Variants in BMP2K observed in about 807,000 individuals in gnomAD.
BMP2K encodes BMP-2-inducible protein kinase.
BMP2K carries 74 observed loss-of-function variants against 116.0 expected under a neutral mutation model. The observed-to-expected ratio is 0.64, with a 90% CI of 0.53 to 0.77. The LOEUF (loss-of-function observed/expected upper bound fraction) is 0.77, where lower values mean the gene tolerates loss of function less well. Ranked by LOEUF, BMP2K falls within the 30% of genes least tolerant of loss-of-function variation. The pLI is 0.00. For synonymous variants in BMP2K, 486 were observed against 502.5 expected, an observed-to-expected ratio of 0.97 and a Z score of 0.44; for missense variants, 1,365 against 1,403.6, an observed-to-expected ratio of 0.97 and a Z score of 0.44.
chr4:78,907,711 G>C (rs529132227), intron 15 of BMP2K, among the ~76,000 whole-genome samples: 3 of 152,214 alleles, frequency 2.0e-5, no homozygotes, highest in Non-Finnish European at 4.4e-5. Flanking sequence ...AGTGGAGGCA[G>C]AATGCAGAGT....
chr4:78,867,625 A>G (rs996697053), intron 10 of BMP2K, among the ~76,000 whole-genome samples: 2 of 152,314 alleles, frequency 1.3e-5, no homozygotes, highest in East Asian at 1.9e-4. Context: ...CGGATTATAC[A>G]GTAGTATTCA....
intron 1 of BMP2K, among the ~76,000 whole-genome samples, chr4:78,800,834 C>T (rs1483816943): frequency 6.6e-6 from 1 of 152,004 alleles, no homozygotes; most frequent in East Asian, 1.9e-4. Context: ...TGTAATATTA[C>T]ATTTATTAAG....
chr4:78,842,718 A>G (rs1275984235), intron 4 of BMP2K, among the ~76,000 whole-genome samples, 191 bp downstream of exon 4: 3 of 152,054 alleles, frequency 2.0e-5, no homozygotes, highest in African/African-American at 7.2e-5. Flanking sequence ...GAGGATTTCT[A>G]GCATGGCTGT....
intron 7 of BMP2K, among the ~76,000 whole-genome samples, chr4:78,854,416 G>C (rs1731402970): frequency 6.6e-6 from 1 of 151,980 alleles, no homozygotes; most frequent in Non-Finnish European, 1.5e-5. Flanking sequence ...TGGGACTACA[G>C]GCCTATGCCA....
At chr4:78,816,691 C>T (rs142013640) in intron 1 of BMP2K, among the ~76,000 whole-genome samples, 2 of 152,204 alleles carry the variant, frequency 1.3e-5, no homozygotes, top group African/African-American at 4.8e-5. Context: ...TGTAGTGAAT[C>T]GATCACTTTT....
chr4:78,815,041 T>TC (rs1179577701), intron 1 of BMP2K, among the ~76,000 whole-genome samples: 5 of 152,140 alleles, frequency 3.3e-5, no homozygotes, highest in Non-Finnish European at 4.4e-5. Flanking sequence ...AGATGAGGAC[T>TC]CCAATTTTCA....
chr4:78,807,296 T>G (rs2109965723), intron 1 of BMP2K, among the ~76,000 whole-genome samples: 1 of 152,332 alleles, frequency 6.6e-6, no homozygotes, highest in South Asian at 2.1e-4. Context: ...TAAATCTCAC[T>G]TGGTCATGGA....
intron 1 of BMP2K, among the ~76,000 whole-genome samples, chr4:78,801,461 A>G (rs1379395007): frequency 6.7e-6 from 1 of 149,996 alleles, no homozygotes; most frequent in Non-Finnish European, 1.5e-5. Flanking sequence ...CCCTACCCCT[A>G]CTCCCCTCTT....
At position 78,813,784 on chromosome 4, in the gene BMP2K, A is replaced by G. The variant is rs150076878; in HGVS notation, c.179-12253A>G. Among the ~76,000 whole-genome samples, 593 of 152,104 alleles carry G rather than the reference A, an allele frequency of 3.9e-3. 4 individuals carry two copies. The highest frequency in any genetic ancestry group is 6.5e-3 in the Non-Finnish European group (442 of 67,984). On this transcript the variant is annotated intron_variant, in intron 1 of 15. Transcript: ENST00000502613. ...AACACAATTTTCCAAGGGACCATCT[A>G]ATCTTGATTTAATTTTTTTCTTCTC... is the stretch of plus-strand genomic sequence containing the variant.
intron 13 of BMP2K, among the ~76,000 whole-genome samples, chr4:78,876,230 C>G (rs1265091237): frequency 6.6e-6 from 1 of 151,388 alleles, no homozygotes; most frequent in Non-Finnish European, 1.5e-5. Context: ...GCCCATCTCT[C>G]TTTGAGTTTT....
intron 7 of BMP2K, among the ~76,000 whole-genome samples, chr4:78,857,358 T>G (rs1328471704): frequency 6.6e-6 from 1 of 152,064 alleles, no homozygotes; most frequent in African/African-American, 2.4e-5. Flanking sequence ...TAAGATAATA[T>G]CAGTTCTACC....
At chr4:78,836,276 GC>G (rs1252019765) in intron 3 of BMP2K, among the ~76,000 whole-genome samples, 1 of 151,986 alleles carries the variant, frequency 6.6e-6, no homozygotes, top group African/African-American at 2.4e-5. Flanking sequence ...AATTAGCTGG[GC>G]GTAGTGGTGG....
At chr4:78,818,725 A>G (rs573322042) in intron 1 of BMP2K, among the ~76,000 whole-genome samples, 3 of 150,214 alleles carry the variant, frequency 2.0e-5, no homozygotes, top group Admixed American at 6.6e-5. Context: ...CAAGCCATGT[A>G]TTCATTTCCA....
chr4:78,886,717 A>C (rs1011621114), intron 14 of BMP2K, among the ~76,000 whole-genome samples: 3 of 152,144 alleles, frequency 2.0e-5, no homozygotes, highest in African/African-American at 7.2e-5. Context: ...CAAAAAAAGA[A>C]CAAAAAAGTA....
intron 1 of BMP2K, among the ~76,000 whole-genome samples, chr4:78,798,207 A>G (rs28456317): frequency 0.019 from 2,876 of 152,328 alleles, 86 homozygotes; most frequent in African/African-American, 0.062. Context: ...TATGTTTTTA[A>G]TGAACTAGTT....
At chr4:78,886,999 T>C (rs1198795518) in intron 14 of BMP2K, 175 bp from the exon 15 acceptor site, 1 of 505,532 alleles carries the variant, frequency 2.0e-6, no homozygotes, top group Non-Finnish European at 3.5e-6. Context: ...GCAACAAATA[T>C]GTATTAAATT....
chr4:78,857,008 C>T (rs572866964), intron 7 of BMP2K, among the ~76,000 whole-genome samples: 56 of 152,052 alleles, frequency 3.7e-4, no homozygotes, highest in Non-Finnish European at 6.5e-4. Flanking sequence ...AGATAGCGAT[C>T]GTGGCACTAC....
intron 9 of BMP2K, 106 bp from the exon 10 acceptor site, chr4:78,865,451 A>G (rs1034156767): frequency 2.9e-6 from 3 of 1,036,730 alleles, no homozygotes; most frequent in African/African-American, 1.6e-5. Context: ...TAATGCGATT[A>G]TCAGTAATAG....
At chr4:78,794,302 G>A (rs1728148958) in intron 1 of BMP2K, among the ~76,000 whole-genome samples, 1 of 152,088 alleles carries the variant, frequency 6.6e-6, no homozygotes, top group East Asian at 1.9e-4. Context: ...CCATAGAAAA[G>A]TTTTAACAGA....
Sources: gnomAD v4.1 joint callset for allele counts (sites outside exome capture counted in the v4.1 genomes callset) on GRCh38, gnomAD v4.1.1 for gene constraint, MANE v1.5 for transcripts, NCBI Gene and HGNC (gene_info 2026-07-23, HGNC 2026-07-21) for gene names.